CNTN6: variants seen among roughly 807,000 people sequenced by gnomAD.
The protein encoded by CNTN6 is contactin-6.
In CNTN6, 137 loss-of-function variants were observed where a neutral mutation model predicts 122.8. The observed-to-expected ratio is 1.12, with a 90% confidence interval of 0.97 to 1.29. CNTN6 has a LOEUF of 1.29. Ranked by LOEUF, CNTN6 falls within the 50% of genes most tolerant of loss-of-function variation. The pLI is 0.00. For synonymous variants in CNTN6, 570 were observed against 426.0 expected (o/e 1.34, Z -4.16); for missense variants, 1,634 against 1,223.4 (o/e 1.34, Z -5.01).
chr3:1,250,652 C>T (rs58369085), intron 4 of CNTN6, among the ~76,000 whole-genome samples: 10,751 of 152,156 alleles, frequency 0.071, 781 homozygotes, highest in East Asian at 0.33. Context: ...TGAATGTTCC[C>T]GTATCTGAAC....
At chr3:1,224,299 C>T (rs1471164570) in intron 3 of CNTN6, among the ~76,000 whole-genome samples, 2 of 151,952 alleles carry the variant, frequency 1.3e-5, no homozygotes, top group African/African-American at 4.8e-5. Flanking sequence ...ACAGGTGGGT[C>T]AAAGGGTGAG....
At chr3:1,127,929 A>G (rs2092221383) in intron 1 of CNTN6, among the ~76,000 whole-genome samples, 1 of 151,956 alleles carries the variant, frequency 6.6e-6, no homozygotes, top group Admixed American at 6.6e-5. Context: ...TATAGAAACC[A>G]AAGGATATGC....
At chr3:1,179,413 G>T (rs2093513956) in intron 2 of CNTN6, among the ~76,000 whole-genome samples, 1 of 152,100 alleles carries the variant, frequency 6.6e-6, no homozygotes, top group Admixed American at 6.6e-5. Context: ...AGGCTTTTCA[G>T]CCCGGGAGCG....
At chr3:1,136,612 C>T (rs1407058028) in intron 1 of CNTN6, among the ~76,000 whole-genome samples, 1 of 152,150 alleles carries the variant, frequency 6.6e-6, no homozygotes, top group African/African-American at 2.4e-5. Flanking sequence ...AAGCCTTACC[C>T]TGTGCCATCT....
At chr3:1,384,906 C>T (rs138231403) in intron 19 of CNTN6, among the ~76,000 whole-genome samples, 160 of 151,176 alleles carry the variant, frequency 1.1e-3, no homozygotes, top group Middle Eastern at 6.8e-3. Flanking sequence ...CCAAGAATGC[C>T]TTACCTCTTA....
At chr3:1,177,964 A>C (rs1280889462) in intron 2 of CNTN6, among the ~76,000 whole-genome samples, 1 of 150,106 alleles carries the variant, frequency 6.7e-6, no homozygotes, top group East Asian at 2.0e-4. Context: ...ACAGTGGTGC[A>C]ATCTCCGCTC....
intron 20 of CNTN6, among the ~76,000 whole-genome samples, chr3:1,390,715 A>T (rs905394039): frequency 3.9e-5 from 6 of 152,076 alleles, no homozygotes; most frequent in Admixed American, 6.5e-5. Context: ...AAAAAATGAT[A>T]AAGGGGATAT....
chr3:1,112,643 C>T (rs2091533837), intron 1 of CNTN6, among the ~76,000 whole-genome samples: 1 of 152,140 alleles, frequency 6.6e-6, no homozygotes, highest in Admixed American at 6.6e-5. Context: ...TTAGTTCACT[C>T]AGACTCACAT....
intron 4 of CNTN6, among the ~76,000 whole-genome samples, chr3:1,259,283 A>C (rs2094807338): frequency 6.6e-6 from 1 of 152,174 alleles, no homozygotes; most frequent in African/African-American, 2.4e-5. Context: ...TTACTAGTAC[A>C]TGGTAGAAGG....
chr3:1,312,002 C>T (rs754037133), intron 7 of CNTN6, among the ~76,000 whole-genome samples: 7 of 151,858 alleles, frequency 4.6e-5, no homozygotes, highest in East Asian at 1.9e-4. Context: ...ATTTTGCTTA[C>T]GTTCATGTAA....
At chr3:1,110,531 C>T (rs1372991050) in intron 1 of CNTN6, among the ~76,000 whole-genome samples, 1 of 152,058 alleles carries the variant, frequency 6.6e-6, no homozygotes. Context: ...AAAATAGTAT[C>T]TTTCAAAGCT....
chr3:1,226,968 T>C (rs1243950814), intron 3 of CNTN6, among the ~76,000 whole-genome samples: 1 of 152,200 alleles, frequency 6.6e-6, no homozygotes, highest in Non-Finnish European at 1.5e-5. Flanking sequence ...CGATTCATGC[T>C]TCAAAATATT....
chr3:1,188,031 CT>C (rs1416270196), intron 2 of CNTN6, among the ~76,000 whole-genome samples: 1 of 152,046 alleles, frequency 6.6e-6, no homozygotes, highest in African/African-American at 2.4e-5. Context: ...CCAAATCTTA[CT>C]CTTTTTTTTC....
chr3:1,144,020 C>T (rs968681422), intron 1 of CNTN6, among the ~76,000 whole-genome samples: 3 of 152,126 alleles, frequency 2.0e-5, no homozygotes, highest in Non-Finnish European at 4.4e-5. Flanking sequence ...CTCTAGATTC[C>T]CAATGTAGCC....
intron 4 of CNTN6, 39 bp from the exon 5 acceptor site, chr3:1,278,374 A>C (rs1367319961): frequency 7.6e-7 from 1 of 1,316,456 alleles, no homozygotes; most frequent in Admixed American, 2.0e-5. Context: ...TATTCTGCAA[A>C]GTAACTAATT....
At chr3:1,275,013 C>G (rs546976176) in intron 4 of CNTN6, among the ~76,000 whole-genome samples, 2 of 152,300 alleles carry the variant, frequency 1.3e-5, no homozygotes, top group South Asian at 4.1e-4. Flanking sequence ...CAAAAACTTT[C>G]TCATCTAACC....
At chr3:1,134,383 G>T (rs903494447) in intron 1 of CNTN6, among the ~76,000 whole-genome samples, 1 of 152,088 alleles carries the variant, frequency 6.6e-6, no homozygotes, top group African/African-American at 2.4e-5. Flanking sequence ...TTTCCACTGA[G>T]CTAGTCTCCT....
intron 20 of CNTN6, among the ~76,000 whole-genome samples, chr3:1,387,358 A>G (rs896811247): frequency 9.2e-5 from 14 of 152,138 alleles, no homozygotes; most frequent in African/African-American, 3.1e-4. Flanking sequence ...GTTTTACTCA[A>G]TGTTGACTAA....
intron 5 of CNTN6, among the ~76,000 whole-genome samples, chr3:1,293,350 A>G (rs1695656894): frequency 6.6e-6 from 1 of 151,928 alleles, no homozygotes; most frequent in African/African-American, 2.4e-5. Flanking sequence ...AAGGGATGAC[A>G]AAATGACAAT....
Sources: allele counts gnomAD v4.1 joint callset (sites outside exome capture counted in the v4.1 genomes callset), GRCh38; gene constraint gnomAD v4.1.1; transcripts MANE v1.5; gene names NCBI Gene and HGNC (gene_info 2026-07-23, HGNC 2026-07-21).